The following ZNF138 variants were observed in gnomAD, a reference collection of about 807,000 sequenced individuals.
The protein encoded by ZNF138 is zinc finger protein 138, also known as zinc finger protein 138 (clone pHZ-32).
A neutral mutation model predicts 33.0 loss-of-function variants in ZNF138; 33 were observed. The ratio of observed to expected loss-of-function variants is 1.00; its 90% CI spans 0.76 to 1.34. The LOEUF (loss-of-function observed/expected upper bound fraction) is 1.34, where lower values mean the gene tolerates loss of function less well. Ranked by LOEUF, ZNF138 falls within the 40% of genes most tolerant of loss-of-function variation. The pLI is 0.00. For missense variants in ZNF138, 360 were observed against 370.8 expected (o/e 0.97, Z 0.24); for synonymous variants, 139 against 120.4 (o/e 1.15, Z -1.01).
chr7:64,802,068 A>G (rs781648341), intron 1 of ZNF138, among the ~76,000 whole-genome samples: 1 of 152,196 alleles, frequency 6.6e-6, no homozygotes, highest in South Asian at 2.1e-4. Flanking sequence ...TTGGTTTTAT[A>G]TATTTTAGGG....
At chr7:64,797,556 C>T (rs1786787028) in intron 1 of ZNF138, among the ~76,000 whole-genome samples, 2 of 151,792 alleles carry the variant, frequency 1.3e-5, no homozygotes, top group South Asian at 4.1e-4. Context: ...TTCTAGGAAG[C>T]CTCCCCTGCG....
At chr7:64,823,575 T>C (rs1789340287) in intron 3 of ZNF138, among the ~76,000 whole-genome samples, 1 of 152,140 alleles carries the variant, frequency 6.6e-6, no homozygotes, top group South Asian at 2.1e-4. Flanking sequence ...GCTTCAATGA[T>C]CCTCCCACCT....
At chr7:64,855,313 A>C in the ZNF138 span, among the ~76,000 whole-genome samples, 11 of 152,222 alleles carry the variant, frequency 7.2e-5, no homozygotes. Context: ...ACAATTGTTT[A>C]TTTACAGTGC....
chr7:64,810,443 G>GGGAGAA, intron 1 of ZNF138, among the ~76,000 whole-genome samples: 1 of 126,912 alleles, frequency 7.9e-6, no homozygotes, highest in East Asian at 2.3e-4. Context: ...CGTGGGGAGA[G>GGGAGAA]GGAGAGGGAG....
At chr7:64,814,424 A>G (rs1195332593) in intron 1 of ZNF138, among the ~76,000 whole-genome samples, 1 of 152,178 alleles carries the variant, frequency 6.6e-6, no homozygotes, top group African/African-American at 2.4e-5. Flanking sequence ...ATCTTATGCC[A>G]CTTTCTTTTC....
At chr7:64,852,485 G>A in the ZNF138 span, 2 of 1,582,686 alleles carry the variant, frequency 1.3e-6, no homozygotes, top group Non-Finnish European at 8.7e-7. Flanking sequence ...GATTCTGGCT[G>A]TGTGGTTGCC....
intron 3 of ZNF138, among the ~76,000 whole-genome samples, chr7:64,822,284 G>A (rs1583865940): frequency 6.6e-6 from 1 of 151,502 alleles, no homozygotes. Context: ...TGTATTTAAT[G>A]TGCAGAGATA....
chr7:64,835,223 ACT>A (rs1790331162), downstream of ZNF138: 1 of 152,172 alleles, frequency 6.6e-6, no homozygotes, highest in Non-Finnish European at 1.5e-5. Context: ...TGGAGTCTTC[ACT>A]GGAGTCCAAT....
the ZNF138 span, chr7:64,853,344 C>T: frequency 1.9e-6 from 3 of 1,571,656 alleles, no homozygotes; most frequent in East Asian, 6.7e-5. Context: ...AAAGGACTCC[C>T]ATGTAGATAT....
chr7:64,797,885 G>A (rs938420002), intron 1 of ZNF138, among the ~76,000 whole-genome samples: 1 of 152,116 alleles, frequency 6.6e-6, no homozygotes. Context: ...AGATTAGAAG[G>A]TGAGAGGGGA....
chr7:64,812,122 A>G (rs1788222022), intron 1 of ZNF138, among the ~76,000 whole-genome samples: 1 of 4,870 alleles, frequency 2.1e-4, no homozygotes, highest in African/African-American at 2.2e-4. Context: ...GACAGAATCA[A>G]GTAAGAGGGG....
At position 64,808,998 on chromosome 7, in the gene ZNF138, A is replaced by C. The variant is rs1434523735; in HGVS notation, c.4-5920A>C. ...CATGTCTACTTCTTTCTACACAGAC[A>C]CGGCAACCATCCGATTTCTCAATCT... On this transcript the variant is annotated intron_variant, in intron 1 of 3. Coordinates refer to ENST00000307355, the MANE Select transcript of ZNF138 (RefSeq NM_001271639.2). 7.5e-5 allele frequency among the ~76,000 whole-genome samples: 10 copies of C among 132,722 alleles called. 1 individual carries two copies. In the Admixed American group the frequency reaches 7.7e-4, roughly 10 times the overall value. 87.1% of individuals were successfully genotyped at this position (132,722 alleles called of 152,430 possible).
At chr7:64,796,905 C>G (rs1189054168) in intron 1 of ZNF138, among the ~76,000 whole-genome samples, 3 of 152,056 alleles carry the variant, frequency 2.0e-5, no homozygotes, top group Non-Finnish European at 2.9e-5. Context: ...TAGAAATTAG[C>G]CATGAATGGT....
intron 1 of ZNF138, among the ~76,000 whole-genome samples, chr7:64,811,189 T>G (rs943935302): frequency 2.6e-5 from 4 of 152,196 alleles, no homozygotes; most frequent in Admixed American, 2.6e-4. Flanking sequence ...TTTTTCTAAA[T>G]CCAGGGAATT....
the ZNF138 span, among the ~76,000 whole-genome samples, chr7:64,855,320 G>A: frequency 6.6e-6 from 1 of 152,206 alleles, no homozygotes; most frequent in Non-Finnish European, 1.5e-5. Flanking sequence ...TTTATTTACA[G>A]TGCTCAATTG....
chr7:64,831,921 G>A lies in ZNF138; in HGVS notation c.679G>A (p.Val227Ile), dbSNP rs2129016482. 6.2e-7 allele frequency: 1 copy of A among 1,613,696 alleles called. No homozygotes were observed. Among genetic ancestry groups the A allele is most frequent in the East Asian group, 2.2e-5 (1 of 44,850 alleles). ...TGGAGAAAAACCCTACAAATGTGAA[G>A]TATGTGGAAAAGCCTTTCACCAATC... ...HTGEKPYKCE[V>I]CGKAFHQSSI... The change falls in exon 4 of 4, where the codon GTA (valine) becomes ATA (isoleucine). Residue 227 changes from valine to isoleucine, a missense_variant. By Grantham distance (29) the Val-to-Ile change is conservative. Transcript: ENST00000307355.
At chr7:64,859,718 A>C in the ZNF138 span, among the ~76,000 whole-genome samples, 6 of 152,380 alleles carry the variant, frequency 3.9e-5, no homozygotes, top group African/African-American at 1.4e-4. Flanking sequence ...AAGTTTGTCA[A>C]AGAATTTCAC....
In ZNF138 at chr7:64,794,492, C is replaced by T; in HGVS notation, c.-77C>T. The T allele has an allele frequency of 6.2e-7, 1 of 1,604,806 alleles. No individual in the cohort carries two copies. The highest frequency in any genetic ancestry group is 8.5e-7 in the Non-Finnish European group (1 of 1,173,406). ...TTCTGCGTCCTCTTACTCCTAGAGGCCCAGCCTCTGTGGCGCTGTGATCTG... is the reference window on the plus strand; with the variant it reads ...TTCTGCGTCCTCTTACTCCTAGAGGTCCAGCCTCTGTGGCGCTGTGATCTG... On this transcript the variant is annotated 5_prime_UTR_variant, in exon 1 of 4. Transcript: ENST00000307355.
downstream of ZNF138, among the ~76,000 whole-genome samples, chr7:64,837,094 T>C (rs1166665398): frequency 6.6e-6 from 1 of 152,174 alleles, no homozygotes; most frequent in African/African-American, 2.4e-5. Flanking sequence ...GAATAAATTG[T>C]TGGAGCCTGT....
Sources: gnomAD v4.1 joint callset for allele counts (sites outside exome capture counted in the v4.1 genomes callset) on GRCh38, gnomAD v4.1.1 for gene constraint, MANE v1.5 for transcripts, NCBI Gene and HGNC (gene_info 2026-07-23, HGNC 2026-07-21) for gene names.